LCORL: variants seen among roughly 807,000 people sequenced by gnomAD.
LCORL encodes ligand-dependent nuclear receptor corepressor-like protein.
A neutral mutation model predicts 141.8 loss-of-function variants in LCORL; 41 were observed. The ratio of observed to expected loss-of-function variants is 0.29; its 90% CI spans 0.23 to 0.38. The LOEUF is 0.38. LCORL is among the 10% of genes least tolerant of loss of function. The pLI is 1.00. For synonymous variants in LCORL, 618 were observed against 694.1 expected (o/e 0.89, Z 1.72); for missense variants, 1,759 against 2,035.0 (o/e 0.86, Z 2.61).
chr4:17,846,836 C>T (rs570872463), intron 7 of LCORL, among the ~76,000 whole-genome samples: 134 of 152,260 alleles, frequency 8.8e-4, no homozygotes, highest in African/African-American at 3.1e-3. Flanking sequence ...AACTTGCTCT[C>T]AGTAAAACAT....
chr4:17,874,998 A>T (rs992201208), exon 7 of LCORL: 1 of 1,233,740 alleles, frequency 8.1e-7, no homozygotes, highest in African/African-American at 1.6e-5. Context: ...TCTATCCCTA[A>T]TAGAATGTCT....
intron 4 of LCORL, among the ~76,000 whole-genome samples, chr4:17,913,217 A>G (rs1362552956): frequency 6.6e-6 from 1 of 152,240 alleles, no homozygotes. Flanking sequence ...GACGGACGTT[A>G]GCTTACACAA....
At chr4:17,865,366 A>G (rs1216990727) in intron 7 of LCORL, among the ~76,000 whole-genome samples, 1 of 152,134 alleles carries the variant, frequency 6.6e-6, no homozygotes, top group Non-Finnish European at 1.5e-5. Flanking sequence ...TGGAAACTAA[A>G]CAACACATCT....
At chr4:17,863,781 TG>T (rs1300055578) in intron 7 of LCORL, among the ~76,000 whole-genome samples, 1 of 152,192 alleles carries the variant, frequency 6.6e-6, no homozygotes, top group Non-Finnish European at 1.5e-5. Context: ...AAAGAAAATA[TG>T]GTACATATAG....
chr4:17,966,879 G>A (rs950499584), intron 2 of LCORL, among the ~76,000 whole-genome samples: 2 of 152,092 alleles, frequency 1.3e-5, no homozygotes, highest in African/African-American at 4.8e-5. Context: ...TACCCTTACA[G>A]TTTCTTACAA....
intron 1 of LCORL, chr4:18,020,384 G>A (rs1725311144): frequency 6.6e-6 from 1 of 151,966 alleles, no homozygotes; most frequent in Non-Finnish European, 1.5e-5. Context: ...AGAGCAAGCT[G>A]CTGCCACTAT....
intron 2 of LCORL, among the ~76,000 whole-genome samples, chr4:17,964,645 C>A (rs1714500786): frequency 6.6e-6 from 1 of 152,062 alleles, no homozygotes; most frequent in Non-Finnish European, 1.5e-5. Context: ...CAAACTTTCA[C>A]CCCCTCACTA....
At chr4:17,958,352 G>T (rs1713094738) in intron 4 of LCORL, among the ~76,000 whole-genome samples, 1 of 151,710 alleles carries the variant, frequency 6.6e-6, no homozygotes, top group African/African-American at 2.4e-5. Context: ...ATAGCAGTAT[G>T]ATTCGTTCAG....
Position 17,898,828 on chromosome 4 carries a change from A to G in LCORL, c.682+10266T>C, listed in dbSNP as rs1396450958. 2.0e-5 allele frequency among the ~76,000 whole-genome samples: 3 copies of G among 152,294 alleles called. No homozygotes were observed. In the East Asian group the frequency reaches 5.8e-4, roughly 29 times the overall value. On this transcript the variant is annotated intron_variant, in intron 5 of 7. Transcript: ENST00000635767. Reference sequence around the variant, plus strand: ...TCCATATTTGTGCAGGTGTAATTAAAGGCTTGATTCCCTGAAATGGGATTG... The same window carrying G: ...TCCATATTTGTGCAGGTGTAATTAAGGGCTTGATTCCCTGAAATGGGATTG...
At chr4:17,951,608 T>C (rs946485995) in intron 4 of LCORL, among the ~76,000 whole-genome samples, 13 of 152,232 alleles carry the variant, frequency 8.5e-5, no homozygotes, top group African/African-American at 3.1e-4. Flanking sequence ...CTCTCCATTT[T>C]GTCTCCATGG....
At chr4:17,864,381 C>T (rs1725379670) in intron 7 of LCORL, among the ~76,000 whole-genome samples, 1 of 152,098 alleles carries the variant, frequency 6.6e-6, no homozygotes, top group South Asian at 2.1e-4. Flanking sequence ...CGTGCCACTA[C>T]ATCTGGCTGA....
At chr4:17,987,499 T>C (rs1485709278) in intron 1 of LCORL, among the ~76,000 whole-genome samples, 2 of 152,200 alleles carry the variant, frequency 1.3e-5, no homozygotes, top group Non-Finnish European at 2.9e-5. Flanking sequence ...TTTGCTATTG[T>C]GAATAACACT....
At chr4:18,007,158 T>C (rs1239189327) in intron 1 of LCORL, among the ~76,000 whole-genome samples, 3 of 152,190 alleles carry the variant, frequency 2.0e-5, no homozygotes, top group Admixed American at 6.5e-5. Context: ...TTAAACTATA[T>C]CACTCCCATG....
rs1340675320 is a variant in LCORL, at chr4:18,021,678, C to T, written c.74G>A (p.Arg25Gln). ...TCTCTCCGCCGCGCACCGAGGGCTC[C>T]GGCACTGAGCGGCGGCGGCGGCGGC... The change falls in exon 1 of 8, where the codon CGG becomes CAG. Residue 25 changes from arginine to glutamine, a missense_variant. Transcript: ENST00000635767. This position sits in a 1 kb window ranked among gnomAD's most constrained non-coding sequence, Gnocchi z 5.5. The T allele has an allele frequency of 3.2e-6, 5 of 1,538,518 alleles. No homozygotes were observed. The highest frequency in any genetic ancestry group is 1.2e-5 in the South Asian group (1 of 83,346).
At chr4:17,966,555 A>G (rs1381513108) in intron 2 of LCORL, among the ~76,000 whole-genome samples, 2 of 152,118 alleles carry the variant, frequency 1.3e-5, no homozygotes, top group African/African-American at 4.8e-5. Flanking sequence ...TTTCCATACA[A>G]TCTGTCTCTA....
exon 8 of LCORL, chr4:17,844,014 C>CTAAAG (rs1354999302): frequency 7.2e-5 from 11 of 152,090 alleles, no homozygotes; most frequent in African/African-American, 1.9e-4. Context: ...ATCTCTCTTC[C>CTAAAG]TAAAGTATTT....
chr4:17,917,171 C>T (rs1332291581), intron 4 of LCORL, among the ~76,000 whole-genome samples: 4 of 151,740 alleles, frequency 2.6e-5, no homozygotes, highest in African/African-American at 7.3e-5. Context: ...CGGGGTTTCA[C>T]CACGTTGGCC....
intron 6 of LCORL, chr4:17,883,494 G>A: frequency 4.0e-6 from 5 of 1,245,582 alleles, no homozygotes; most frequent in Non-Finnish European, 5.0e-6. Flanking sequence ...TCAGAATTAA[G>A]TAAGCAACTA....
chr4:17,866,744 G>A (rs1192120477), intron 7 of LCORL, among the ~76,000 whole-genome samples: 1 of 152,030 alleles, frequency 6.6e-6, no homozygotes, highest in African/African-American at 2.4e-5. Flanking sequence ...TTAACGTTAC[G>A]ATAATCACAG....
Sources: gnomAD v4.1 joint callset for allele counts (sites outside exome capture counted in the v4.1 genomes callset) on GRCh38, gnomAD v4.1.1 for gene constraint, Gnocchi (gnomAD v3.1) non-coding constraint, MANE v1.5 for transcripts, NCBI Gene and HGNC (gene_info 2026-07-23, HGNC 2026-07-21) for gene names.